The following BAIAP2 variants were observed in gnomAD, a reference collection of about 807,000 sequenced individuals.
BAIAP2 encodes BAR/IMD domain-containing adapter protein 2.
BAIAP2 carries 18 observed loss-of-function variants against 63.0 expected under a neutral mutation model. That is an observed-to-expected ratio of 0.29 (90% confidence interval 0.20 to 0.42). BAIAP2 has a LOEUF of 0.42. Ranked by LOEUF, BAIAP2 falls within the 10% of genes least tolerant of loss-of-function variation. The probability of loss-of-function intolerance (pLI) is 1.00; values close to 1 mark genes in which losing one functional copy is unlikely to be tolerated. For missense variants in BAIAP2, 610 were observed against 734.3 expected (o/e 0.83, Z 1.96); for synonymous variants, 386 against 307.6 (o/e 1.25, Z -2.67).
At chr17:81,074,096 G>A (rs912388734) in intron 3 of BAIAP2, among the ~76,000 whole-genome samples, 5 of 152,256 alleles carry the variant, frequency 3.3e-5, no homozygotes, top group Admixed American at 3.3e-4. Context: ...GGAGCATGGT[G>A]TGTGCTGTTG....
In BAIAP2 at chr17:81,104,564, C is replaced by A; in HGVS notation, c.1117C>A (p.Arg373Ser). Residue 373 changes from arginine to serine, a missense_variant, in exon 10 of 14, where the codon CGC becomes AGC. Coordinates refer to ENST00000428708, the MANE Select transcript of BAIAP2 (RefSeq NM_001144888.2). ...RSSSMAAGLERNGRMRVKAIF... is the reference protein window; with the variant it reads ...RSSSMAAGLESNGRMRVKAIF... ...GAGCTCCATGGCAGCCGGCCTGGAG[C>A]GCAATGGCCGTATGCGGGTGAAGGC... The A allele has an allele frequency of 1.2e-6, 2 of 1,611,338 alleles. No homozygotes were observed. The highest frequency in any genetic ancestry group is 8.5e-7 in the Non-Finnish European group (1 of 1,179,556).
In BAIAP2 at chr17:81,046,672, C is replaced by T. The variant is rs1334972135; in HGVS notation, c.55-6996C>T. Among the ~76,000 whole-genome samples the T allele has an allele frequency of 1.3e-5, 2 of 152,190 alleles. No homozygotes were observed. The highest frequency in any genetic ancestry group is 2.9e-5 in the Non-Finnish European group (2 of 68,030). On this transcript the variant is annotated intron_variant, in intron 1 of 13. Transcript: ENST00000428708. The surrounding 1 kb of genome is among the most constrained non-coding windows in gnomAD (Gnocchi z 4.5). ...GCCTGTGGCCCCCGGACAGCAAGCT[C>T]TGAGGTGTCCTCCCGCGAGGACACT... is the stretch of plus-strand genomic sequence containing the variant.
chr17:81,042,174 C>CT (rs1472824968), intron 1 of BAIAP2, among the ~76,000 whole-genome samples: 1 of 105,950 alleles, frequency 9.4e-6, no homozygotes, highest in Non-Finnish European at 1.9e-5. Context: ...CAGAGTCTTG[C>CT]TTTGTTTCCC....
chr17:81,085,287 G>A, intron 4 of BAIAP2: 1 of 508,236 alleles, frequency 2.0e-6, no homozygotes, highest in South Asian at 2.1e-5. Flanking sequence ...GCAGCATCCT[G>A]TCTAAAGCCA....
chr17:81,100,437 C>T (rs554864180), intron 7 of BAIAP2, among the ~76,000 whole-genome samples: 49 of 152,266 alleles, frequency 3.2e-4, no homozygotes, highest in Admixed American at 2.9e-3. Context: ...TGCTGGGTGC[C>T]GGAGTCCCGG....
intron 11 of BAIAP2, 78 bp downstream of exon 11, chr17:81,106,224 G>C: frequency 6.9e-7 from 1 of 1,440,952 alleles, no homozygotes; most frequent in East Asian, 2.5e-5. Flanking sequence ...CCCTGGGCTT[G>C]GATTGCTCGG....
At chr17:81,076,517 A>G (rs2053687939) in intron 3 of BAIAP2, 1 of 152,246 alleles carries the variant, frequency 6.6e-6, no homozygotes, top group African/African-American at 2.4e-5. Flanking sequence ...AACACACATC[A>G]GGAAGACAGA....
chr17:81,056,465 G>A (rs12150607), intron 2 of BAIAP2: 69,656 of 152,020 alleles, frequency 0.46, 16,416 homozygotes, highest in East Asian at 0.67. Context: ...TAGCCCTCAC[G>A]TGGCTCTCCG....
At chr17:81,080,970 G>A (rs565409673) in intron 3 of BAIAP2, among the ~76,000 whole-genome samples, 4 of 152,330 alleles carry the variant, frequency 2.6e-5, no homozygotes, top group South Asian at 2.1e-4. Flanking sequence ...GGGGGCCGGC[G>A]ACCTCGCAAA....
chr17:81,072,895 G>A (rs1308925823), intron 3 of BAIAP2, among the ~76,000 whole-genome samples: 2 of 152,068 alleles, frequency 1.3e-5, no homozygotes, highest in Admixed American at 6.5e-5. Context: ...CTCATTGTCT[G>A]TGGTCATGAG....
intron 6 of BAIAP2, among the ~76,000 whole-genome samples, chr17:81,099,321 C>A (rs1039568814): frequency 9.2e-5 from 14 of 152,278 alleles, no homozygotes; most frequent in African/African-American, 3.1e-4. Flanking sequence ...GAGCCGGAGC[C>A]GGGTGGGAGA....
chr17:81,043,345 C>A (rs555705269), intron 1 of BAIAP2, among the ~76,000 whole-genome samples: 2 of 152,258 alleles, frequency 1.3e-5, no homozygotes, highest in Non-Finnish European at 2.9e-5. Context: ...CCCGTCCTCA[C>A]GCAGTCCAGG....
At chr17:81,085,452 C>T (rs763516598) in intron 4 of BAIAP2, 10 of 694,566 alleles carry the variant, frequency 1.4e-5, no homozygotes, top group Non-Finnish European at 1.8e-5. Context: ...ACGTTCCAGA[C>T]TCCTGTTCAG....
intron 1 of BAIAP2, among the ~76,000 whole-genome samples, chr17:81,048,747 G>C (rs1020812894): frequency 6.6e-6 from 1 of 152,206 alleles, no homozygotes; most frequent in East Asian, 1.9e-4. Context: ...GGGGGCTGTA[G>C]TAGGGACAGC....
At chr17:81,108,557 G>A (rs1362972418) in intron 13 of BAIAP2, 48 bp downstream of exon 13, 2 of 1,611,368 alleles carry the variant, frequency 1.2e-6, no homozygotes, top group East Asian at 4.5e-5. Context: ...TGGGTGTGAA[G>A]AGGCCGGGTG....
rs561450570 is a variant in BAIAP2 at position 81,085,443 on chromosome 17, C to T, written c.280-211C>T. 806 of 684,170 alleles carry T rather than the reference C, an allele frequency of 1.2e-3. 12 individuals are homozygous for T. The highest frequency in any genetic ancestry group is 0.011 in the South Asian group (749 of 66,148). The allele number at this position is 684,170 out of a possible 1,614,324, so 42.4% of individuals were successfully genotyped here. ...GCTGTTTGGAGGCGAGATTGTCCGA[C>T]GTTCCAGACTCCTGTTCAGCACTCG... On this transcript the variant is annotated intron_variant, in intron 4 of 13. Transcript: ENST00000428708.
Position 81,037,121 on chromosome 17 carries a change from T to C in BAIAP2, c.54+1813T>C, listed in dbSNP as rs1568050353. Among the ~76,000 whole-genome samples, 6 of 152,080 alleles carry C rather than the reference T, an allele frequency of 3.9e-5. No homozygotes were observed. The East Asian group carries it at 9.7e-4, about 24-fold the overall frequency. On this transcript the variant is annotated intron_variant, in intron 1 of 13. Transcript: ENST00000428708. ...CAGGAAAACTCTTAGGACTGAGTGT[T>C]TGGGGACTTTGAGCCCCTGTGGACG...
chr17:81,076,127 G>A (rs1453784748), intron 3 of BAIAP2: 2 of 152,202 alleles, frequency 1.3e-5, no homozygotes, highest in African/African-American at 4.8e-5. Flanking sequence ...TTGGCTGGGG[G>A]GAGTGCCGAG....
chr17:81,050,785 G>A (rs1568075629), intron 1 of BAIAP2, among the ~76,000 whole-genome samples: 2 of 144,088 alleles, frequency 1.4e-5, no homozygotes, highest in African/African-American at 5.1e-5. Flanking sequence ...GCACACATGG[G>A]CACAGATGTG....
Sources: allele counts gnomAD v4.1 joint callset (sites outside exome capture counted in the v4.1 genomes callset), GRCh38; gene constraint gnomAD v4.1.1; non-coding constraint Gnocchi (gnomAD v3.1); transcripts MANE v1.5; gene names NCBI Gene and HGNC (gene_info 2026-07-23, HGNC 2026-07-21).